The following CCNG1 variants were observed in gnomAD, a reference collection of about 807,000 sequenced individuals.
CCNG1 encodes the protein cyclin-G1.
Under a neutral mutation model 30.0 loss-of-function variants are expected in CCNG1, and 13 were observed. The observed-to-expected ratio is 0.43, with a 90% CI of 0.28 to 0.69. CCNG1 has a LOEUF of 0.69. Among genes scored for constraint, CCNG1 ranks in the 30% least tolerant of loss-of-function variants. The pLI is 0.16. For missense variants in CCNG1, 285 were observed against 331.4 expected (o/e 0.86, Z 1.09); for synonymous variants, 110 against 121.5 (o/e 0.91, Z 0.62).
chr5:163,457,506 A>G, the CCNG1 span: 1 of 1,033,334 alleles, frequency 9.7e-7, no homozygotes, highest in Non-Finnish European at 1.5e-6. Flanking sequence ...ACAAAAGAGG[A>G]AAAGATATCA....
At chr5:163,439,184 A>G in intron 1 of CCNG1, 73 bp from the exon 2 acceptor site, 1 of 1,309,100 alleles carries the variant, frequency 7.6e-7, no homozygotes, top group South Asian at 1.4e-5. Flanking sequence ...TTCTTGGCCC[A>G]GTGCAAAGAT....
chr5:163,451,447 A>G, the CCNG1 span: 3 of 152,294 alleles, frequency 2.0e-5, no homozygotes, highest in South Asian at 4.1e-4. Context: ...GAACTCTTCA[A>G]TACTCTGACT....
intron 3 of CCNG1, 178 bp downstream of exon 3, chr5:163,441,509 G>T (rs747012555): frequency 1.8e-6 from 1 of 560,690 alleles, no homozygotes; most frequent in Non-Finnish European, 3.0e-6. Context: ...CAATAGCTTC[G>T]TTAAAGCTAA....
chr5:163,456,861 T>A, the CCNG1 span: 2 of 1,079,870 alleles, frequency 1.9e-6, no homozygotes, highest in African/African-American at 1.6e-5. Flanking sequence ...TGAGTTTTAA[T>A]TTCAAATATT....
At chr5:163,452,916 T>C in the CCNG1 span, 47 of 152,344 alleles carry the variant, frequency 3.1e-4, no homozygotes, top group African/African-American at 1.1e-3. Context: ...ATGAAAGGCA[T>C]GATTCTGACT....
chr5:163,438,860 T>C (rs1304305476), intron 1 of CCNG1, among the ~76,000 whole-genome samples: 3 of 152,172 alleles, frequency 2.0e-5, no homozygotes, highest in East Asian at 3.9e-4. Flanking sequence ...ACCCCGTCTC[T>C]ACTAAAAATA....
Position 163,437,622 on chromosome 5 carries a change from A to G in CCNG1, c.-183A>G, listed in dbSNP as rs954351151. 3.9e-5 allele frequency: 6 copies of G among 152,056 alleles called. No homozygotes were observed. Among genetic ancestry groups the G allele is most frequent in the African/African-American group, 1.2e-4 (5 of 41,368 alleles). 9.4% of individuals were successfully genotyped at this position (152,056 alleles called of 1,614,324 possible). ...CTTCGGCTCCGAGCTGACCCTGATC[A>G]GGGCCGAGTTGTCTCGGCGGCGCTG... is the stretch of plus-strand genomic sequence containing the variant. On this transcript the variant is annotated 5_prime_UTR_variant, in exon 1 of 7. Transcript: ENST00000340828.
chr5:163,455,652 T>TACTC, the CCNG1 span, among the ~76,000 whole-genome samples: 5 of 150,400 alleles, frequency 3.3e-5, no homozygotes, highest in East Asian at 7.9e-4. Context: ...CAGTCCCAGC[T>TACTC]ACTCGGGAGG....
downstream of CCNG1, chr5:163,447,563 G>C (rs138753559): frequency 2.3e-4 from 35 of 151,718 alleles, no homozygotes; most frequent in African/African-American, 6.8e-4. Context: ...AGAATTAATA[G>C]AAAATTAGCA....
the CCNG1 span, among the ~76,000 whole-genome samples, chr5:163,454,978 C>T: frequency 2.0e-5 from 3 of 152,078 alleles, no homozygotes; most frequent in Non-Finnish European, 4.4e-5. Flanking sequence ...GCTTTGCAGT[C>T]CACATAGTCT....
downstream of CCNG1, chr5:163,451,106 G>T (rs1298230174): frequency 1.3e-5 from 2 of 152,180 alleles, no homozygotes; most frequent in African/African-American, 4.8e-5. Flanking sequence ...ATGAAAAGAG[G>T]TAGTATGGAT....
Position 163,443,696 on chromosome 5 carries a change from TTC to T in CCNG1, c.*30_*31del, listed in dbSNP as rs1757942339. On this transcript the variant is annotated 3_prime_UTR_variant, in exon 7 of 7. Transcript: ENST00000340828. ...TAGGATTATTACAGCACCAAAAAAC[TTC>T]TCTGAAGCCTTTCTCCACAACCTTG... The T allele has an allele frequency of 6.5e-7, 1 of 1,531,166 alleles. No homozygotes were observed. The allele number at this position is 1,531,166 out of a possible 1,614,324, so 94.8% of individuals were successfully genotyped here.
intron 5 of CCNG1, 72 bp from the exon 6 acceptor site, chr5:163,442,302 C>A: frequency 8.0e-7 from 1 of 1,244,768 alleles, no homozygotes; most frequent in South Asian, 1.4e-5. Context: ...CATAGGATTG[C>A]ATTTATTAAT....
At chr5:163,445,684 T>G (rs554030002), downstream of CCNG1, among the ~76,000 whole-genome samples, 8 of 141,428 alleles carry the variant, frequency 5.7e-5, no homozygotes, top group East Asian at 1.7e-3. Flanking sequence ...TCTCAAACTC[T>G]TGGGCTCAAG....
At chr5:163,438,212 A>G (rs1030337710) in intron 1 of CCNG1, among the ~76,000 whole-genome samples, 3 of 152,122 alleles carry the variant, frequency 2.0e-5, no homozygotes, top group Non-Finnish European at 4.4e-5. Flanking sequence ...CTTTCAGACT[A>G]GGTTAGCAAC....
rs1163422646 is a variant in CCNG1, at chr5:163,444,498, T to C, written c.*828T>C. The C allele has an allele frequency of 6.6e-6, 1 of 152,612 alleles. No homozygotes were observed. Among genetic ancestry groups the C allele is most frequent in the Non-Finnish European group, 1.5e-5 (1 of 68,016 alleles). The allele number at this position is 152,612 out of a possible 1,614,324, so 9.5% of individuals were successfully genotyped here. On this transcript the variant is annotated 3_prime_UTR_variant, in exon 7 of 7. Transcript: ENST00000340828. ...CACACTAAGGTAAGTTCAGACTAGA[T>C]TGAACACTCCAGAATTTTTTACTAC...
the CCNG1 span, chr5:163,452,681 C>G: frequency 6.6e-6 from 1 of 151,392 alleles, no homozygotes; most frequent in South Asian, 2.1e-4. Context: ...GAAACACCAT[C>G]AGAAATGAGA....
the CCNG1 span, among the ~76,000 whole-genome samples, chr5:163,456,092 GA>G: frequency 1.3e-5 from 2 of 152,132 alleles, no homozygotes; most frequent in Non-Finnish European, 2.9e-5. Flanking sequence ...TGGACATGTT[GA>G]GCTTAATATA....
intron 1 of CCNG1, among the ~76,000 whole-genome samples, 168 bp downstream of exon 1, chr5:163,437,972 G>C (rs1390978110): frequency 6.6e-6 from 1 of 152,142 alleles, no homozygotes; most frequent in South Asian, 2.1e-4. Flanking sequence ...AGCCGGATCC[G>C]GCCTCCTGAG....
Sources: allele counts gnomAD v4.1 joint callset (sites outside exome capture counted in the v4.1 genomes callset), GRCh38; gene constraint gnomAD v4.1.1; transcripts MANE v1.5; gene names NCBI Gene and HGNC (gene_info 2026-07-23, HGNC 2026-07-21).